OTOGL: variants seen among roughly 807,000 people sequenced by gnomAD.
The protein encoded by OTOGL is otogelin-like protein.
Under a neutral mutation model 318.5 loss-of-function variants are expected in OTOGL, and 285 were observed. The ratio of observed to expected loss-of-function variants is 0.89; its 90% CI spans 0.81 to 0.99. The LOEUF (loss-of-function observed/expected upper bound fraction) is 0.99. Ranked by LOEUF, OTOGL falls within the 50% of genes least tolerant of loss-of-function variation. OTOGL has a pLI of 0.00. For missense variants in OTOGL, 2,899 were observed against 2,845.6 expected (o/e 1.02, Z -0.43); for synonymous variants, 987 against 936.5 (o/e 1.05, Z -0.99).
At chr12:80,213,544 C>T (rs1003801778) in intron 4 of OTOGL, among the ~76,000 whole-genome samples, 3 of 152,076 alleles carry the variant, frequency 2.0e-5, no homozygotes, top group African/African-American at 7.2e-5. Flanking sequence ...GGTTGGAGCA[C>T]CTCTGACGCC....
At chr12:80,249,627 T>TGCCCTGCC (rs748034869) in intron 11 of OTOGL, among the ~76,000 whole-genome samples, 98 of 152,266 alleles carry the variant, frequency 6.4e-4, no homozygotes, top group South Asian at 4.8e-3. Context: ...TGTTTGTCTG[T>TGCCCTGCC]GCCCTGCCAC....
intron 1 of OTOGL, among the ~76,000 whole-genome samples, chr12:80,176,291 C>T (rs1370264403): frequency 2.0e-5 from 3 of 152,116 alleles, no homozygotes; most frequent in Non-Finnish European, 4.4e-5. Flanking sequence ...TTAAGGTGTA[C>T]AAATTTAACA....
chr12:80,163,456 G>A (rs1268416394), intron 1 of OTOGL, among the ~76,000 whole-genome samples: 1 of 152,072 alleles, frequency 6.6e-6, no homozygotes, highest in East Asian at 1.9e-4. Flanking sequence ...TGATGTTCAA[G>A]CAGATCAACG....
intron 1 of OTOGL, among the ~76,000 whole-genome samples, chr12:80,204,096 G>A (rs1565898450): frequency 6.6e-6 from 1 of 152,122 alleles, no homozygotes; most frequent in Admixed American, 6.6e-5. Context: ...ATTCACGCTG[G>A]GGGTATGGGA....
intron 1 of OTOGL, among the ~76,000 whole-genome samples, chr12:80,138,737 G>T (rs1303966783): frequency 9.2e-5 from 14 of 152,118 alleles, no homozygotes; most frequent in Admixed American, 5.9e-4. Context: ...TATAATAACA[G>T]ACTGTAGCTG....
chr12:80,302,915 C>A, intron 28 of OTOGL, 132 bp downstream of exon 28: 1 of 886,932 alleles, frequency 1.1e-6, no homozygotes, highest in Non-Finnish European at 1.5e-6. Flanking sequence ...CTAACTCATA[C>A]CCTTGTGAAA....
At chr12:80,136,175 A>G (rs1004573580) in intron 1 of OTOGL, among the ~76,000 whole-genome samples, 4 of 151,982 alleles carry the variant, frequency 2.6e-5, no homozygotes, top group African/African-American at 9.7e-5. Flanking sequence ...TGTACTCACT[A>G]TCTTCAATTT....
Position 80,248,864 on chromosome 12 carries a change from C to G in OTOGL, c.1053-2829C>G, listed in dbSNP as rs1025799728. On this transcript the variant is annotated intron_variant, in intron 11 of 58. Transcript: ENST00000547103. ...TATTTCTTGGAGGCTTTGCTCATTT[C>G]TTTTTATTCTTTTTTCTCTAAACTT... Among the ~76,000 whole-genome samples the G allele has an allele frequency of 1.0e-4, 15 of 149,174 alleles. No individual in the cohort carries two copies. The East Asian group carries it at 2.1e-3, about 21-fold the overall frequency.
chr12:80,163,004 C>G (rs921908933), intron 1 of OTOGL, among the ~76,000 whole-genome samples: 2 of 151,908 alleles, frequency 1.3e-5, no homozygotes, highest in African/African-American at 2.4e-5. Flanking sequence ...TCACTGGGTC[C>G]TCTTTACTAT....
chr12:80,278,715 T>C (rs1173047882), intron 25 of OTOGL, among the ~76,000 whole-genome samples: 1 of 151,570 alleles, frequency 6.6e-6, no homozygotes, highest in Non-Finnish European at 1.5e-5. Flanking sequence ...TACTCAAATA[T>C]GGGAGATGGC....
At chr12:80,168,021 G>A (rs1280519958) in intron 1 of OTOGL, among the ~76,000 whole-genome samples, 2 of 149,764 alleles carry the variant, frequency 1.3e-5, no homozygotes, top group Non-Finnish European at 3.0e-5. Context: ...GGAGTGCAGT[G>A]ATCTCGGCTC....
intron 45 of OTOGL, 24 bp downstream of exon 45, chr12:80,352,460 T>C (rs1251059847): frequency 6.6e-7 from 1 of 1,517,466 alleles, no homozygotes. Context: ...AACTGAATAT[T>C]TTTCCATCAT....
At chr12:80,342,944 C>T (rs899198820) in intron 44 of OTOGL, among the ~76,000 whole-genome samples, 5 of 152,070 alleles carry the variant, frequency 3.3e-5, no homozygotes, top group South Asian at 4.1e-4. Context: ...TGTAGTGGCA[C>T]GATCTCGGCT....
At chr12:80,276,279 T>C (rs1040228025) in intron 24 of OTOGL, among the ~76,000 whole-genome samples, 1 of 151,808 alleles carries the variant, frequency 6.6e-6, no homozygotes, top group Non-Finnish European at 1.5e-5. Flanking sequence ...TGGGGGGTAC[T>C]AAAATACATT....
rs145662348 is a variant in OTOGL, at chr12:80,368,306, C to T, written c.6612C>T (p.Tyr2204=). 57 of 1,576,344 alleles carry T rather than the reference C, an allele frequency of 3.6e-5. 2 individuals carry two copies. Among genetic ancestry groups the T allele is most frequent in the South Asian group, 3.0e-4 (26 of 87,138 alleles). ...TGGAAAATGGAACATCAGTTGTATA[C>T]GCGGTATGTTTCATGGAGAGTAATG... The part of the protein sequence containing the change: ...FHMENGTSVV[Y]AVGSTWHYNC... The change falls in exon 55 of 59, where the codon TAC becomes TAT. Residue 2204 remains tyrosine (Y), a synonymous_variant. Transcript: ENST00000547103.
chr12:80,136,786 T>C (rs372503824), intron 1 of OTOGL, among the ~76,000 whole-genome samples: 1 of 152,212 alleles, frequency 6.6e-6, no homozygotes, highest in African/African-American at 2.4e-5. Flanking sequence ...CTCTGTTTTT[T>C]TCTCTATTTT....
chr12:80,278,879 A>T, intron 25 of OTOGL, 149 bp from the exon 26 acceptor site: 2 of 877,614 alleles, frequency 2.3e-6, no homozygotes, highest in Non-Finnish European at 3.6e-6. Flanking sequence ...TGTCAATGTA[A>T]TAGGTGGTAT....
chr12:80,267,949 A>G (rs1344499626), intron 22 of OTOGL, among the ~76,000 whole-genome samples: 1 of 151,736 alleles, frequency 6.6e-6, no homozygotes, highest in Non-Finnish European at 1.5e-5. Context: ...GTTTAAATAC[A>G]ACAGTATTAC....
At chr12:80,209,989 A>T (rs901232788) in intron 2 of OTOGL, among the ~76,000 whole-genome samples, 1 of 152,176 alleles carries the variant, frequency 6.6e-6, no homozygotes, top group Admixed American at 6.5e-5. Context: ...ATAGTAAAAA[A>T]ATGTTTAAAA....
Sources: allele counts gnomAD v4.1 joint callset (sites outside exome capture counted in the v4.1 genomes callset), GRCh38; gene constraint gnomAD v4.1.1; transcripts MANE v1.5; gene names NCBI Gene and HGNC (gene_info 2026-07-23, HGNC 2026-07-21).